ARHGAP12: variants seen among roughly 807,000 people sequenced by gnomAD.
The protein encoded by ARHGAP12 is rho GTPase-activating protein 12.
ARHGAP12 carries 64 observed loss-of-function variants against 108.6 expected under a neutral mutation model. The observed-to-expected ratio is 0.59, with a 90% confidence interval of 0.48 to 0.73. The LOEUF is 0.73. Among genes scored for constraint, ARHGAP12 ranks in the 30% least tolerant of loss-of-function variants. The pLI, the probability that ARHGAP12 is intolerant of heterozygous loss-of-function variation, is 0.00. For missense variants in ARHGAP12, 940 were observed against 1,005.9 expected (o/e 0.93, Z 0.89); for synonymous variants, 312 against 337.2 (o/e 0.93, Z 0.82).
At chr10:31,912,408 C>A (rs1297567656) in intron 1 of ARHGAP12, among the ~76,000 whole-genome samples, 4 of 152,080 alleles carry the variant, frequency 2.6e-5, no homozygotes, top group African/African-American at 9.7e-5. Context: ...AATTGTGGGG[C>A]TGGGGACAAC....
intron 9 of ARHGAP12, among the ~76,000 whole-genome samples, chr10:31,838,705 C>A (rs1487778312): frequency 6.6e-6 from 1 of 151,802 alleles, no homozygotes; most frequent in African/African-American, 2.4e-5. Flanking sequence ...GTGGCGCATG[C>A]CTGTGATCCC....
At chr10:31,862,696 G>GCACACACACA (rs969804958) in intron 3 of ARHGAP12, among the ~76,000 whole-genome samples, 2 of 122,180 alleles carry the variant, frequency 1.6e-5, no homozygotes, top group East Asian at 3.3e-4. Context: ...AGTGGCGCAT[G>GCACACACACA]CACACACAGA....
At chr10:31,808,927 T>C (rs1398089120) in intron 18 of ARHGAP12, 67 bp downstream of exon 18, 2 of 1,456,038 alleles carry the variant, frequency 1.4e-6, no homozygotes, top group Non-Finnish European at 1.9e-6. Context: ...TAAAAAAAAT[T>C]GGGTGGCTTA....
intron 2 of ARHGAP12, 30 bp from the exon 3 acceptor site, chr10:31,908,956 A>G: frequency 8.4e-7 from 1 of 1,184,818 alleles, no homozygotes; most frequent in Non-Finnish European, 1.2e-6. Flanking sequence ...AAAGAGAATG[A>G]AGAAAAAAGT....
At chr10:31,811,962 C>A (rs12247925) in intron 15 of ARHGAP12, among the ~76,000 whole-genome samples, 6 of 152,076 alleles carry the variant, frequency 3.9e-5, no homozygotes, top group Admixed American at 1.3e-4. Context: ...GCCTTAAATA[C>A]CTTCTTAATA....
At chr10:31,838,147 G>A (rs890605850) in intron 9 of ARHGAP12, among the ~76,000 whole-genome samples, 1 of 152,176 alleles carries the variant, frequency 6.6e-6, no homozygotes. Flanking sequence ...AAGCCCTGAT[G>A]AATGAATAGA....
At chr10:31,854,644 C>G (rs553191992) in intron 4 of ARHGAP12, among the ~76,000 whole-genome samples, 10 of 152,292 alleles carry the variant, frequency 6.6e-5, no homozygotes, top group African/African-American at 2.4e-4. Flanking sequence ...GCAAGGCAAA[C>G]AACCCTGCTC....
Position 31,817,872 on chromosome 10 carries a change from T to C in ARHGAP12, c.1647A>G (p.Gln549=). Residue 549 remains glutamine (Q), a synonymous_variant, in exon 13 of 20, where the codon CAA becomes CAG. Coordinates refer to ENST00000344936, the MANE Select transcript of ARHGAP12 (RefSeq NM_018287.7). ...KKNVFELKTR[Q]GTELLIQSDN... ...CAGACTGAATTAGCAGTTCTGTTCCTTGACGAGTTTTCAGCTTTAGAGAAA... is the reference window on the plus strand; with the variant it reads ...CAGACTGAATTAGCAGTTCTGTTCCCTGACGAGTTTTCAGCTTTAGAGAAA... 1 of 1,611,378 alleles carries C rather than the reference T, an allele frequency of 6.2e-7. No homozygotes were observed. The highest frequency in any genetic ancestry group is 8.5e-7 in the Non-Finnish European group (1 of 1,179,162).
chr10:31,906,303 G>A (rs763968808), intron 3 of ARHGAP12, among the ~76,000 whole-genome samples: 8 of 152,152 alleles, frequency 5.3e-5, no homozygotes, highest in Non-Finnish European at 7.3e-5. Flanking sequence ...TAAGCCACTC[G>A]AATTGGGGGT....
At chr10:31,865,838 G>A (rs900542797) in intron 3 of ARHGAP12, among the ~76,000 whole-genome samples, 5 of 149,604 alleles carry the variant, frequency 3.3e-5, no homozygotes, top group African/African-American at 1.2e-4. Context: ...AGACCGCGAC[G>A]CTGCACTCCA....
chr10:31,883,655 G>A lies in ARHGAP12; in HGVS notation c.685-21997C>T, dbSNP rs965888519. On this transcript the variant is annotated intron_variant, in intron 3 of 19. Transcript: ENST00000344936. ...TGCACATTCAAGGTTTTCACAACTT[G>A]AAACTGAGTATTTTCATACTGTGCT... Among the ~76,000 whole-genome samples the A allele has an allele frequency of 3.3e-5, 5 of 151,740 alleles. No homozygotes were observed. In the South Asian group the frequency reaches 1.0e-3, roughly 31 times the overall value.
At chr10:31,857,590 A>C (rs1402198117) in intron 4 of ARHGAP12, among the ~76,000 whole-genome samples, 1 of 152,178 alleles carries the variant, frequency 6.6e-6, no homozygotes, top group African/African-American at 2.4e-5. Context: ...AAATCTCAAC[A>C]AAGCCCTCGC....
At chr10:31,920,241 G>A (rs899555557) in intron 1 of ARHGAP12, among the ~76,000 whole-genome samples, 2 of 150,810 alleles carry the variant, frequency 1.3e-5, no homozygotes, top group Admixed American at 6.6e-5. Flanking sequence ...TCACAAGGTC[G>A]GCAGTTCCAG....
intron 6 of ARHGAP12, among the ~76,000 whole-genome samples, chr10:31,844,156 T>C (rs566994728): frequency 6.6e-6 from 1 of 152,312 alleles, no homozygotes; most frequent in Non-Finnish European, 1.5e-5. Context: ...TCCTAGTTTG[T>C]AGCCCATCTT....
At chr10:31,826,476 G>T in intron 10 of ARHGAP12, 91 bp from the exon 11 acceptor site, 5 of 938,960 alleles carry the variant, frequency 5.3e-6, no homozygotes, top group Non-Finnish European at 8.1e-6. Context: ...TCTTATCAAT[G>T]TTATCTACAA....
intron 3 of ARHGAP12, among the ~76,000 whole-genome samples, chr10:31,875,104 T>C (rs1592321147): frequency 6.6e-6 from 1 of 152,220 alleles, no homozygotes; most frequent in African/African-American, 2.4e-5. Context: ...CTGGGTTTGT[T>C]TGTCTGCTTA....
At chr10:31,809,743 G>C (rs41289015) in intron 16 of ARHGAP12, 1 of 153,248 alleles carries the variant, frequency 6.5e-6, no homozygotes, top group Non-Finnish European at 1.5e-5. Flanking sequence ...TTAAGTGTTT[G>C]TAATAAGTAA....
rs995872710 is a variant in ARHGAP12 at position 31,852,025 on chromosome 10, G to A, written c.1170+492C>T. On this transcript the variant is annotated intron_variant, in intron 6 of 19. Transcript: ENST00000344936. The stretch of plus-strand genomic sequence containing the variant: ...AAACTCAGCCCTGGTACACTTGTCT[G>A]GAAATGAGACGTCCAGCTAAATCCT... Among the ~76,000 whole-genome samples the A allele has an allele frequency of 4.6e-5, 7 of 152,224 alleles. No individual in the cohort carries two copies. The East Asian group carries it at 1.4e-3, about 29-fold the overall frequency.
chr10:31,876,546 C>CAAAA lies in ARHGAP12; in HGVS notation c.685-14892_685-14889dup, dbSNP rs57573841. Reference sequence around the variant, plus strand: ...AACAAAAACAAAAACAAAAAACCACCAAAAAAAAAAAAAACCCACTAATAC... The same window carrying CAAAA: ...AACAAAAACAAAAACAAAAAACCACCAAAAAAAAAAAAAAAAAACCCACTAATAC... On this transcript the variant is annotated intron_variant, in intron 3 of 19. Coordinates refer to ENST00000344936, the MANE Select transcript of ARHGAP12 (RefSeq NM_018287.7). Among the ~76,000 whole-genome samples, 32 of 136,674 alleles carry CAAAA rather than the reference C, an allele frequency of 2.3e-4. No individual in the cohort carries two copies. In the South Asian group the frequency reaches 7.4e-3, roughly 32 times the overall value. The allele number at this position is 136,674 out of a possible 152,430, so 89.7% of individuals were successfully genotyped here.
Sources: gnomAD v4.1 joint callset for allele counts (sites outside exome capture counted in the v4.1 genomes callset) on GRCh38, gnomAD v4.1.1 for gene constraint, MANE v1.5 for transcripts, NCBI Gene and HGNC (gene_info 2026-07-23, HGNC 2026-07-21) for gene names.